KIF20A: variants seen among roughly 807,000 people sequenced by gnomAD.
KIF20A encodes kinesin family member 20A.
In KIF20A, 66 loss-of-function variants were observed where a neutral mutation model predicts 113.0. The ratio of observed to expected loss-of-function variants is 0.58; its 90% CI spans 0.48 to 0.72. KIF20A has a LOEUF of 0.72. KIF20A is among the 30% of genes least tolerant of loss of function. KIF20A has a pLI of 0.00. For missense variants in KIF20A, 927 were observed against 1,077.6 expected, an observed-to-expected ratio of 0.86 and a Z score of 1.96; for synonymous variants, 376 against 402.3, an observed-to-expected ratio of 0.93 and a Z score of 0.78.
rs1480063294 is a variant in KIF20A, at chr5:138,183,364, G to A, written c.1027+1G>A. The A allele has an allele frequency of 6.2e-7, 1 of 1,613,974 alleles. No homozygotes were observed. Among genetic ancestry groups the A allele is most frequent in the African/African-American group, 1.3e-5 (1 of 74,922 alleles). The stretch of plus-strand genomic sequence containing the variant: ...CAAAATGGCAATCCCTATGTGAAAG[G>A]TAAAGGAACATGGGGAAAGCTGGCA... On this transcript the variant is annotated splice_donor_variant, in intron 8 of 18. Transcript: ENST00000394894. LOFTEE classifies it high-confidence loss of function. The surrounding 1 kb of genome is among the most constrained non-coding windows in gnomAD (Gnocchi z 5.2).
Position 138,185,637 on chromosome 5 carries a change from C to G in KIF20A, c.2052C>G (p.Ala684=). The G allele has an allele frequency of 1.9e-6, 3 of 1,614,180 alleles. No homozygotes were observed. The highest frequency in any genetic ancestry group is 2.5e-6 in the Non-Finnish European group (3 of 1,180,026). Reference sequence around the variant, plus strand: ...GGTCACAAAGGTTGGCAGCTTCTGCCTCCACCCAGCAGCTTCAGGAGGTTA... The same window carrying G: ...GGTCACAAAGGTTGGCAGCTTCTGCGTCCACCCAGCAGCTTCAGGAGGTTA... The part of the protein sequence containing the change: ...LRRSQRLAAS[A]STQQLQEVKA... The change falls in exon 16 of 19, where the codon GCC becomes GCG. Residue 684 remains alanine, a synonymous_variant. Transcript: ENST00000394894.
Position 138,187,591 on chromosome 5 carries a change from G to A in KIF20A, c.*178G>A, listed in dbSNP as rs1349483998. 2.1e-6 allele frequency: 1 copy of A among 475,008 alleles called. No individual in the cohort carries two copies. The allele number at this position is 475,008 out of a possible 1,614,324, so 29.4% of individuals were successfully genotyped here. On this transcript the variant is annotated 3_prime_UTR_variant, in exon 19 of 19. Coordinates refer to ENST00000394894, the MANE Select transcript of KIF20A (RefSeq NM_005733.3). ...ACCACCTATGTAATCTCATGTTGTT[G>A]TTTTTTTTTATTTACTTATATGATT...
intron 1 of KIF20A, 99 bp from the exon 2 acceptor site, chr5:138,179,561 G>C: frequency 3.5e-6 from 3 of 863,144 alleles, no homozygotes; most frequent in Non-Finnish European, 5.5e-6. Context: ...TAGGAAGCGG[G>C]ACACGGTGTC....
chr5:138,186,639 G>C (rs140763669), intron 18 of KIF20A, among the ~76,000 whole-genome samples: 63 of 152,280 alleles, frequency 4.1e-4, no homozygotes, highest in African/African-American at 1.5e-3. Flanking sequence ...GGCATTTTCT[G>C]TCACAACCAC....
rs778563503 is a variant in KIF20A, at chr5:138,187,119, G to A, written c.2379G>A (p.Gln793=). ...AGGACCAGACTCTGGCTGAACTGCA[G>A]AACAACATGGTGCTAGTGAAACTGG... ...IKQDQTLAEL[Q]NNMVLVKLDL... Residue 793 remains glutamine, a synonymous_variant, in exon 19 of 19, where the codon CAG becomes CAA. Transcript: ENST00000394894. 1.3e-5 allele frequency: 21 copies of A among 1,610,972 alleles called. No individual in the cohort carries two copies. The Admixed American group carries it at 2.3e-4, about 18-fold the overall frequency.
chr5:138,185,891 T>C (rs1754735712), intron 16 of KIF20A, 70 bp from the exon 17 acceptor site: 2 of 1,412,826 alleles, frequency 1.4e-6, no homozygotes, highest in Non-Finnish European at 2.0e-6. Context: ...TACTGTTACC[T>C]CAGTTAAAGA....
Position 138,181,493 on chromosome 5 carries a change from G to A in KIF20A, c.237G>A (p.Leu79=), listed in dbSNP as rs755397908. 3 of 1,614,156 alleles carry A rather than the reference G, an allele frequency of 1.9e-6. No homozygotes were observed. The East Asian group carries it at 6.7e-5, about 36-fold the overall frequency. ...LRVRPLLPSE[L]ERQEDQGCVR... ...TTAGGCCCTTGTTACCTTCAGAGTTGGAACGACAGGAAGATCAGGTAAGTG... is the reference window on the plus strand; with the variant it reads ...TTAGGCCCTTGTTACCTTCAGAGTTAGAACGACAGGAAGATCAGGTAAGTG... The change falls in exon 3 of 19, where the codon TTG becomes TTA. Residue 79 remains leucine (L), a synonymous_variant. Coordinates refer to ENST00000394894, the MANE Select transcript of KIF20A (RefSeq NM_005733.3).
chr5:138,179,356 G>C, intron 1 of KIF20A, 154 bp downstream of exon 1: 2 of 334,646 alleles, frequency 6.0e-6, no homozygotes, highest in South Asian at 5.8e-5. Context: ...AAGGAGCCGA[G>C]GGATCCTGAC....
chr5:138,186,231 C>A (rs1166310283), intron 17 of KIF20A, 63 bp from the exon 18 acceptor site: 11 of 1,555,944 alleles, frequency 7.1e-6, no homozygotes, highest in African/African-American at 6.9e-5. Context: ...GCTACCTGAC[C>A]CCTCCAGATC....
intron 4 of KIF20A, 133 bp downstream of exon 4, chr5:138,181,861 T>A: frequency 1.0e-6 from 1 of 956,518 alleles, no homozygotes; most frequent in Non-Finnish European, 1.6e-6. Context: ...AGGGCCCTAG[T>A]TATGTGTTAG....
Position 138,187,307 on chromosome 5 carries a change from G to T in KIF20A, c.2567G>T (p.Arg856Leu). 6.2e-7 allele frequency: 1 copy of T among 1,614,106 alleles called. No individual in the cohort carries two copies. Among genetic ancestry groups the T allele is most frequent in the African/African-American group, 1.3e-5 (1 of 75,026 alleles). ...KKPFLRNLLP[R>L]TPTCQSSTDC... ...CCATTCCTTCGAAATTTACTTCCCC[G>T]AACACCAACCTGCCAAAGCTCAACA... Residue 856 changes from arginine (R) to leucine (L), a missense_variant, in exon 19 of 19, where the codon CGA becomes CTA. Physicochemically the swap from Arg to Leu is moderately radical, Grantham distance 102 (BLOSUM62 -2). Coordinates refer to ENST00000394894, the MANE Select transcript of KIF20A (RefSeq NM_005733.3).
intron 18 of KIF20A, 44 bp downstream of exon 18, chr5:138,186,475 C>A: frequency 2.5e-6 from 4 of 1,582,750 alleles, no homozygotes; most frequent in South Asian, 1.2e-5. Flanking sequence ...CCAGCCCACT[C>A]CAGTGTATAT....
Position 138,184,686 on chromosome 5 carries a change from C to T in KIF20A, c.1683+10C>T. ...CATGTATGGCAAAGAGGTGAGAATACAAGAAAGCTTTAGTGTAGCAGCTTA... is the reference window on the plus strand; with the variant it reads ...CATGTATGGCAAAGAGGTGAGAATATAAGAAAGCTTTAGTGTAGCAGCTTA... On this transcript the variant is annotated intron_variant, in intron 13 of 18. Coordinates refer to ENST00000394894, the MANE Select transcript of KIF20A (RefSeq NM_005733.3). 1 of 1,613,356 alleles carries T rather than the reference C, an allele frequency of 6.2e-7. No individual in the cohort carries two copies. The highest frequency in any genetic ancestry group is 8.5e-7 in the Non-Finnish European group (1 of 1,179,378).
rs1281109577 is a variant in KIF20A at position 138,179,709 on chromosome 5, C to T, written c.29C>T (p.Ala10Val). The T allele has an allele frequency of 2.5e-6, 4 of 1,614,112 alleles. No individual in the cohort carries two copies. The highest frequency in any genetic ancestry group is 2.2e-5 in the East Asian group (1 of 44,870). Residue 10 changes from alanine (A) to valine (V), a missense_variant, in exon 2 of 19, where the codon GCG becomes GTG. Coordinates refer to ENST00000394894, the MANE Select transcript of KIF20A (RefSeq NM_005733.3). The part of the protein sequence containing the change: MSQGILSPP[A>V]GLLSDDDVVV... ...TCGCAAGGGATCCTTTCTCCGCCAGCGGGCTTGCTGTCCGATGACGATGTC... is the reference window on the plus strand; with the variant it reads ...TCGCAAGGGATCCTTTCTCCGCCAGTGGGCTTGCTGTCCGATGACGATGTC...
In KIF20A at chr5:138,182,959, C is replaced by G. The variant is rs780350277; in HGVS notation, c.801C>G (p.Ile267Met). ...GTGGCATTGCTGGGCTCTCTTCTAT[C>G]AGTCAGTGTACCAGCAGTAGCCAGC... Reference protein sequence around the residue: ...FDSGIAGLSSISQCTSSSQLD... With the variant: ...FDSGIAGLSSMSQCTSSSQLD... Residue 267 changes from isoleucine (I) to methionine (M), a missense_variant, in exon 7 of 19, where the codon ATC becomes ATG. By Grantham distance (10) the Ile-to-Met change is conservative (BLOSUM62 1). Transcript: ENST00000394894. 1 of 1,614,192 alleles carries G rather than the reference C, an allele frequency of 6.2e-7. No individual in the cohort carries two copies. Among genetic ancestry groups the G allele is most frequent in the South Asian group, 1.1e-5 (1 of 91,082 alleles).
Position 138,186,409 on chromosome 5 carries a change from G to A in KIF20A, c.2333G>A (p.Cys778Tyr). The change falls in exon 18 of 19, where the codon TGT (cysteine) becomes TAT (tyrosine). Residue 778 changes from cysteine to tyrosine, a missense_variant. Transcript: ENST00000394894. ...AGKLRQALTT[C>Y]DDILIKQDQT... ...AAACTTCGTCAAGCCTTGACCACTT[G>A]TGATGACATCTTAATCAAACAGGTT... 6.2e-7 allele frequency: 1 copy of A among 1,612,658 alleles called. No individual in the cohort carries two copies. The highest frequency in any genetic ancestry group is 8.5e-7 in the Non-Finnish European group (1 of 1,179,680).
chr5:138,187,300 C>A lies in KIF20A; in HGVS notation c.2560C>A (p.Leu854Ile). ...GAAGAAACCATTCCTTCGAAATTTACTTCCCCGAACACCAACCTGCCAAAG... is the reference window on the plus strand; with the variant it reads ...GAAGAAACCATTCCTTCGAAATTTAATTCCCCGAACACCAACCTGCCAAAG... The part of the protein sequence containing the change: ...PGKKPFLRNL[L>I]PRTPTCQSST... The change falls in exon 19 of 19, where the codon CTT becomes ATT. Residue 854 changes from leucine to isoleucine, a missense_variant. Physicochemically the swap from Leu to Ile is conservative, Grantham distance 5. Coordinates refer to ENST00000394894, the MANE Select transcript of KIF20A (RefSeq NM_005733.3). 6.2e-7 allele frequency: 1 copy of A among 1,614,190 alleles called. No homozygotes were observed. The highest frequency in any genetic ancestry group is 8.5e-7 in the Non-Finnish European group (1 of 1,180,014).
At chr5:138,184,135 T>A (rs373923627) in intron 11 of KIF20A, 30 bp downstream of exon 11, 2 of 1,613,498 alleles carry the variant, frequency 1.2e-6, no homozygotes, top group Non-Finnish European at 1.7e-6. Flanking sequence ...TCCTGGGCTC[T>A]GCAATTTGCT....
intron 11 of KIF20A, 35 bp from the exon 12 acceptor site, chr5:138,184,204 T>G (rs370732729): frequency 6.2e-7 from 1 of 1,611,894 alleles, no homozygotes; most frequent in Non-Finnish European, 8.5e-7. Flanking sequence ...GCTGGTGTTC[T>G]GCTCACAGCT....
Sources: gnomAD v4.1 joint callset for allele counts (sites outside exome capture counted in the v4.1 genomes callset) on GRCh38, gnomAD v4.1.1 for gene constraint, Gnocchi (gnomAD v3.1) non-coding constraint, MANE v1.5 for transcripts, NCBI Gene and HGNC (gene_info 2026-07-23, HGNC 2026-07-21) for gene names.